The following CNOT1 variants were observed in gnomAD, a reference collection of about 807,000 sequenced individuals.
The protein encoded by CNOT1 is CCR4-NOT transcription complex subunit 1, also known as CCR4-associated factor 1.
A neutral mutation model predicts 273.8 loss-of-function variants in CNOT1; 15 were observed. The ratio of observed to expected loss-of-function variants is 0.05; its 90% CI spans 0.04 to 0.08. The LOEUF is 0.08. CNOT1 is among the 10% of genes least tolerant of loss of function. The pLI is 1.00. For synonymous variants in CNOT1, 1,022 were observed against 1,005.5 expected, an observed-to-expected ratio of 1.02 and a Z score of -0.31; for missense variants, 1,644 against 2,912.2, an observed-to-expected ratio of 0.56 and a Z score of 10.02.
intron 47 of CNOT1, 37 bp downstream of exon 47, chr16:58,523,333 C>T (rs755516483): frequency 6.5e-7 from 1 of 1,539,430 alleles, no homozygotes; most frequent in African/African-American, 1.4e-5. Context: ...GGGAGGAGAT[C>T]CTTTTGAAGC....
At chr16:58,584,167 CAAAA>C (rs146436937) in intron 8 of CNOT1, among the ~76,000 whole-genome samples, 1 of 97,604 alleles carries the variant, frequency 1.0e-5, no homozygotes. Flanking sequence ...CACTCCGTCT[CAAAA>C]AAAAAAAAAA....
chr16:58,611,922 C>T (rs562121416), intron 1 of CNOT1, among the ~76,000 whole-genome samples: 155 of 152,250 alleles, frequency 1.0e-3, no homozygotes, highest in Admixed American at 2.2e-3. Context: ...TTCTTTTTCT[C>T]CCCTTAACTC....
chr16:58,550,694 T>C (rs1184518819), intron 24 of CNOT1, among the ~76,000 whole-genome samples: 1 of 152,206 alleles, frequency 6.6e-6, no homozygotes, highest in Non-Finnish European at 1.5e-5. Flanking sequence ...ATAACAGGAT[T>C]TGGCTACATA....
At chr16:58,564,695 C>T (rs539746521) in intron 16 of CNOT1, among the ~76,000 whole-genome samples, 43 of 152,128 alleles carry the variant, frequency 2.8e-4, no homozygotes, top group African/African-American at 9.2e-4. Flanking sequence ...AAGAATTGGC[C>T]GGGTGTGGAG....
chr16:58,560,065 T>G (rs2040778387), intron 17 of CNOT1, 147 bp downstream of exon 17: 1 of 1,510,998 alleles, frequency 6.6e-7, no homozygotes, highest in Non-Finnish European at 8.8e-7. Flanking sequence ...ACAATGCCTA[T>G]TTACATATCT....
At chr16:58,572,633 G>C (rs979967189) in intron 16 of CNOT1, among the ~76,000 whole-genome samples, 4 of 151,878 alleles carry the variant, frequency 2.6e-5, no homozygotes. Flanking sequence ...AACGCCAGGC[G>C]TGGTGGCTCA....
chr16:58,570,906 T>A (rs1018635163), intron 16 of CNOT1, among the ~76,000 whole-genome samples: 6 of 151,608 alleles, frequency 4.0e-5, no homozygotes, highest in Non-Finnish European at 1.5e-5. Context: ...CAGGCAGTAA[T>A]GGAAGAACAG....
chr16:58,604,751 C>A (rs1278542404), intron 1 of CNOT1, among the ~76,000 whole-genome samples: 1 of 143,010 alleles, frequency 7.0e-6, no homozygotes, highest in Non-Finnish European at 1.5e-5. Flanking sequence ...GGGCCAAGAT[C>A]GTGCCATTGC....
intron 31 of CNOT1, 148 bp from the exon 32 acceptor site, chr16:58,542,716 G>T: frequency 1.6e-6 from 2 of 1,264,432 alleles, no homozygotes; most frequent in Non-Finnish European, 2.1e-6. Context: ...CTGTGATCTT[G>T]AAACAGTCTT....
intron 1 of CNOT1, among the ~76,000 whole-genome samples, chr16:58,628,048 G>T (rs899870382): frequency 7.2e-5 from 11 of 152,070 alleles, no homozygotes; most frequent in Non-Finnish European, 1.3e-4. Flanking sequence ...GGCTGGTCTC[G>T]AACTCCTGAC....
chr16:58,557,320 C>T (rs890361896), intron 18 of CNOT1, among the ~76,000 whole-genome samples: 2 of 152,166 alleles, frequency 1.3e-5, no homozygotes, highest in Non-Finnish European at 2.9e-5. Context: ...TGGCTTTTCT[C>T]AATGATTCAA....
chr16:58,628,210 A>G (rs1160619496), intron 1 of CNOT1, among the ~76,000 whole-genome samples: 1 of 152,238 alleles, frequency 6.6e-6, no homozygotes, highest in African/African-American at 2.4e-5. Context: ...TTTTATCAAC[A>G]TGCTATCATT....
intron 40 of CNOT1, among the ~76,000 whole-genome samples, chr16:58,533,846 G>A (rs561970718): frequency 6.6e-6 from 1 of 152,110 alleles, no homozygotes; most frequent in Admixed American, 6.5e-5. Context: ...AACCACTGAT[G>A]TGGCCAGGCA....
intron 16 of CNOT1, 61 bp downstream of exon 16, chr16:58,574,547 AG>A: frequency 6.8e-7 from 1 of 1,466,362 alleles, no homozygotes; most frequent in South Asian, 1.4e-5. Flanking sequence ...TTCTTCCGCA[AG>A]TCTACAATTA....
In CNOT1 at chr16:58,537,082, C is replaced by T; in HGVS notation, c.5553G>A (p.Lys1851=). 4.3e-6 allele frequency: 7 copies of T among 1,614,194 alleles called. No homozygotes were observed. The highest frequency in any genetic ancestry group is 5.9e-6 in the Non-Finnish European group (7 of 1,180,038). Residue 1851 remains lysine (K), a synonymous_variant, in exon 39 of 49, where the codon AAG becomes AAA. Transcript: ENST00000317147. The part of the protein sequence containing the change: ...EYDDPPGLRE[K]AEYLLREWVN... ...CCCATTCCCTCAGAAGATACTCTGC[C>T]TTCTCCCTCAGGCCTGGAGGGTCAT...
intron 16 of CNOT1, among the ~76,000 whole-genome samples, chr16:58,562,365 G>A (rs1462391283): frequency 1.3e-5 from 2 of 151,808 alleles, no homozygotes; most frequent in Non-Finnish European, 2.9e-5. Flanking sequence ...TTAGCCAGGT[G>A]TGGTGGCACA....
chr16:58,576,271 G>T (rs150029250), intron 14 of CNOT1, among the ~76,000 whole-genome samples, 192 bp downstream of exon 14: 1 of 151,802 alleles, frequency 6.6e-6, no homozygotes, highest in African/African-American at 2.4e-5. Context: ...CTCCACGCCC[G>T]GCTAATTTTT....
At chr16:58,526,444 A>G (rs2039582415) in intron 44 of CNOT1, among the ~76,000 whole-genome samples, 1 of 150,584 alleles carries the variant, frequency 6.6e-6, no homozygotes, top group African/African-American at 2.5e-5. Context: ...ATCCGGAATA[A>G]GATTCCTCAC....
chr16:58,523,663 G>T, intron 46 of CNOT1, 161 bp from the exon 47 acceptor site: 3 of 526,882 alleles, frequency 5.7e-6, no homozygotes, highest in African/African-American at 1.9e-5. Flanking sequence ...ATTTCTGTGC[G>T]TTTTATTTCA....
Sources: gnomAD v4.1 joint callset for allele counts (sites outside exome capture counted in the v4.1 genomes callset) on GRCh38, gnomAD v4.1.1 for gene constraint, MANE v1.5 for transcripts, NCBI Gene and HGNC (gene_info 2026-07-23, HGNC 2026-07-21) for gene names.